The following DYSF variants were observed in gnomAD, a reference collection of about 807,000 sequenced individuals.
The protein encoded by DYSF is dysferlin.
In DYSF, 212 loss-of-function variants were observed where a neutral mutation model predicts 274.9. The observed-to-expected ratio is 0.77, with a 90% confidence interval of 0.69 to 0.86. DYSF has a LOEUF of 0.86. Among genes scored for constraint, DYSF ranks in the 40% least tolerant of loss-of-function variants. The probability of loss-of-function intolerance (pLI) is 0.00; values close to 1 mark genes in which losing one functional copy is unlikely to be tolerated. For missense variants in DYSF, 2,666 were observed against 2,783.2 expected, an observed-to-expected ratio of 0.96 and a Z score of 0.95; for synonymous variants, 1,091 against 1,078.7, an observed-to-expected ratio of 1.01 and a Z score of -0.22.
chr2:71,577,604 A>C (rs537957343), intron 30 of DYSF, among the ~76,000 whole-genome samples: 2 of 151,632 alleles, frequency 1.3e-5, no homozygotes, highest in South Asian at 4.2e-4. Context: ...ACCAACACAT[A>C]GACACACACA....
intron 12 of DYSF, among the ~76,000 whole-genome samples, chr2:71,523,890 C>T (rs551268167): frequency 4.3e-4 from 65 of 152,264 alleles, no homozygotes; most frequent in African/African-American, 1.4e-3. Flanking sequence ...CGTGTCTCCT[C>T]TTACAAAACC....
chr2:71,640,003 TAACTGTCA>T (rs1250072445), intron 41 of DYSF, among the ~76,000 whole-genome samples: 1 of 152,244 alleles, frequency 6.6e-6, no homozygotes, highest in Non-Finnish European at 1.5e-5. Context: ...TTCCTCACAA[TAACTGTCA>T]AACTGATACT....
intron 38 of DYSF, 58 bp from the exon 39 acceptor site, chr2:71,612,583 G>T: frequency 6.2e-7 from 1 of 1,604,192 alleles, no homozygotes; most frequent in South Asian, 1.1e-5. Flanking sequence ...CTTTGGGCTT[G>T]ACCTGGAGAC....
In DYSF at chr2:71,611,338, G is replaced by A. The variant is rs573666770; in HGVS notation, c.4051G>A (p.Ala1351Thr). 3 of 1,613,810 alleles carry A rather than the reference G, an allele frequency of 1.9e-6. No individual in the cohort carries two copies. The highest frequency in any genetic ancestry group is 2.5e-6 in the Non-Finnish European group (3 of 1,179,828). Residue 1351 changes from alanine to threonine, a missense_variant, in exon 37 of 56, where the codon GCC becomes ACC. Coordinates refer to ENST00000410020, the MANE Select transcript of DYSF (RefSeq NM_001130987.2). Reference protein sequence around the residue: ...QNIKPALQRTAIEILAWGLRN... With the variant: ...QNIKPALQRTTIEILAWGLRN... ...CATCAAGCCAGCGCTCCAGCGTACC[G>A]CCATCGAGGTGAGCCGTCCGGGCCT...
rs977891717 is a variant in DYSF, at chr2:71,488,656, G to A, written c.239+6686G>A. Among the ~76,000 whole-genome samples the A allele has an allele frequency of 7.2e-5, 11 of 152,290 alleles. No homozygotes were observed. The East Asian group carries it at 1.3e-3, about 19-fold the overall frequency. The stretch of plus-strand genomic sequence containing the variant: ...GGTCACTCTACCCTCCAGCCTGACC[G>A]TGTCCCCAGCCTCTCTGCTTTAATC... On this transcript the variant is annotated intron_variant, in intron 3 of 55. Transcript: ENST00000410020.
At chr2:71,532,848 C>T (rs1049689608) in intron 14 of DYSF, among the ~76,000 whole-genome samples, 1 of 143,534 alleles carries the variant, frequency 7.0e-6, no homozygotes, top group Non-Finnish European at 1.6e-5. Context: ...ATCTATCTAT[C>T]TATCTATCTA....
intron 1 of DYSF, among the ~76,000 whole-genome samples, chr2:71,478,681 C>A (rs760369348): frequency 6.6e-6 from 1 of 152,106 alleles, no homozygotes; most frequent in Non-Finnish European, 1.5e-5. Flanking sequence ...GGAGCTCCCC[C>A]CTCTCCCTGG....
At position 71,598,716 on chromosome 2, in the gene DYSF, G is replaced by T. The variant is rs2093466197; in HGVS notation, c.3727G>T (p.Val1243Leu). 6.2e-7 allele frequency: 1 copy of T among 1,613,562 alleles called. No homozygotes were observed. The highest frequency in any genetic ancestry group is 1.1e-5 in the South Asian group (1 of 91,082). Residue 1243 changes from valine (V) to leucine (L), a missense_variant, in exon 33 of 56, where the codon GTG (valine) becomes TTG (leucine). Transcript: ENST00000410020. ...ATVAEQPPSIVVELYDHDTYG... is the reference protein window; with the variant it reads ...ATVAEQPPSILVELYDHDTYG... ...AGTTGCTGAGCAACCGCCCAGCATTGTGGTGGAGCTGTACGACCATGACAC... is the reference window on the plus strand; with the variant it reads ...AGTTGCTGAGCAACCGCCCAGCATTTTGGTGGAGCTGTACGACCATGACAC...
intron 39 of DYSF, 77 bp from the exon 40 acceptor site, chr2:71,613,257 G>T: frequency 3.7e-6 from 5 of 1,367,804 alleles, no homozygotes; most frequent in Non-Finnish European, 4.1e-6. Context: ...TGGTCCCTTG[G>T]TTGAGCCCTG....
chr2:71,623,984 G>A (rs1200606129), intron 41 of DYSF, among the ~76,000 whole-genome samples: 1 of 152,164 alleles, frequency 6.6e-6, no homozygotes, highest in Admixed American at 6.5e-5. Context: ...TGGGAAGATT[G>A]CTTGAGCCCC....
chr2:71,632,432 C>A (rs897218811), intron 41 of DYSF, among the ~76,000 whole-genome samples: 1 of 152,180 alleles, frequency 6.6e-6, no homozygotes, highest in African/African-American at 2.4e-5. Context: ...AGGTTCCCCC[C>A]AAATCCTCTT....
At position 71,544,849 on chromosome 2, in the gene DYSF, C is replaced by T. The variant is rs541079239; in HGVS notation, c.1576+5610C>T. On this transcript the variant is annotated intron_variant, in intron 17 of 55. Transcript: ENST00000410020. ...ACCTGACATTGTTTTTCATTCACTT[C>T]ATTCTTTTAGGAGATGCTTATTGAA... 6.6e-5 allele frequency among the ~76,000 whole-genome samples: 10 copies of T among 152,320 alleles called. No homozygotes were observed. In the South Asian group the frequency reaches 2.1e-3, roughly 32 times the overall value.
chr2:71,537,254 G>A (rs2089470807), intron 16 of DYSF, among the ~76,000 whole-genome samples: 1 of 126,708 alleles, frequency 7.9e-6, no homozygotes, highest in Non-Finnish European at 1.7e-5. Context: ...TTTGCGGGGG[G>A]CGTGGTGGGA....
rs763604611 is a variant in DYSF, at chr2:71,520,182, A to T, written c.1007A>T (p.Asp336Val). ...GTCTCCTCTCATTGATTGCAGATGGACGTGGGCACCATTTACAGAGAGCCC... is the reference window on the plus strand; with the variant it reads ...GTCTCCTCTCATTGATTGCAGATGGTCGTGGGCACCATTTACAGAGAGCCC... ...TDALLGEFRM[D>V]VGTIYREPRH... is the part of the protein sequence containing the mutation. Residue 336 changes from aspartate (D) to valine (V), a missense_variant, in exon 11 of 56, where the codon GAC (aspartate) becomes GTC (valine). Physicochemically the swap from Asp to Val is radical, Grantham distance 152 (BLOSUM62 -3). This residue lies in a region of DYSF where 794 missense variants were observed against 777.1 expected (regional missense o/e 1.02). Transcript: ENST00000410020. The T allele has an allele frequency of 2.5e-6, 4 of 1,614,064 alleles. No individual in the cohort carries two copies. In the African/African-American group the frequency reaches 5.3e-5, roughly 22 times the overall value.
intron 17 of DYSF, among the ~76,000 whole-genome samples, chr2:71,543,859 A>AGGGAGAGGGAGACCGTG (rs1192100591): frequency 0.011 from 1,476 of 140,262 alleles, 39 homozygotes; most frequent in African/African-American, 0.042. Context: ...GTGGAAAGAG[A>AGGGAGAGGGAGACCGTG]GGGAGAGGGA....
chr2:71,598,428 C>G (rs953317002), intron 32 of DYSF, 136 bp from the exon 33 acceptor site: 3 of 1,071,072 alleles, frequency 2.8e-6, no homozygotes, highest in Non-Finnish European at 4.2e-6. Context: ...AAGATGCATC[C>G]CAGCATGAAT....
At chr2:71,497,867 A>G (rs2084567016) in intron 3 of DYSF, among the ~76,000 whole-genome samples, 1 of 152,200 alleles carries the variant, frequency 6.6e-6, no homozygotes, top group Admixed American at 6.5e-5. Flanking sequence ...TAAAGACCTA[A>G]GTGTCTAACT....
intron 42 of DYSF, among the ~76,000 whole-genome samples, chr2:71,649,164 T>C (rs1247432314): frequency 4.8e-5 from 6 of 124,406 alleles, no homozygotes; most frequent in Non-Finnish European, 1.0e-4. Flanking sequence ...AAAAAGTGAA[T>C]ATGGTCATAT....
chr2:71,485,825 T>C (rs764218047), intron 3 of DYSF, among the ~76,000 whole-genome samples: 4 of 152,220 alleles, frequency 2.6e-5, no homozygotes, highest in Non-Finnish European at 5.9e-5. Flanking sequence ...TTTATGTATT[T>C]ATTTTTGAGA....
Sources: gnomAD v4.1 joint callset for allele counts (sites outside exome capture counted in the v4.1 genomes callset) on GRCh38, gnomAD v4.1.1 for gene constraint, gnomAD v4.1.1 regional missense constraint, MANE v1.5 for transcripts, NCBI Gene and HGNC (gene_info 2026-07-23, HGNC 2026-07-21) for gene names.